The following SDK1 variants were observed in gnomAD, a reference collection of about 807,000 sequenced individuals.
The protein encoded by SDK1 is sidekick cell adhesion molecule 1, also known as protein sidekick-1.
SDK1 carries 157 observed loss-of-function variants against 245.5 expected under a neutral mutation model. The observed-to-expected ratio is 0.64, with a 90% CI of 0.56 to 0.73. The LOEUF (loss-of-function observed/expected upper bound fraction) is 0.73, where lower values mean the gene tolerates loss of function less well. SDK1 is among the 30% of genes least tolerant of loss of function. The probability of loss-of-function intolerance (pLI) is 0.00; values close to 1 mark genes in which losing one functional copy is unlikely to be tolerated. For synonymous variants in SDK1, 1,647 were observed against 1,278.5 expected (o/e 1.29, Z -6.15); for missense variants, 3,583 against 3,002.3 (o/e 1.19, Z -4.52).
intron 22 of SDK1, among the ~76,000 whole-genome samples, chr7:4,106,290 G>A (rs73046415): frequency 0.073 from 11,069 of 150,684 alleles, 443 homozygotes; most frequent in African/African-American, 0.11. Context: ...ACTGTCCCCC[G>A]TTTCTTTTTT....
chr7:3,807,868 A>C (rs1441189051), intron 4 of SDK1, among the ~76,000 whole-genome samples: 1 of 152,170 alleles, frequency 6.6e-6, no homozygotes, highest in African/African-American at 2.4e-5. Flanking sequence ...ACAGCAGCTA[A>C]GCATTTCTGA....
intron 29 of SDK1, among the ~76,000 whole-genome samples, chr7:4,146,931 ACAC>A (rs1207434851): frequency 3.9e-5 from 6 of 152,168 alleles, no homozygotes; most frequent in Non-Finnish European, 8.8e-5. Context: ...CTCCCCTCTG[ACAC>A]CACGAGGCCG....
At chr7:4,231,229 G>A (rs1394323143) in intron 40 of SDK1, among the ~76,000 whole-genome samples, 1 of 152,138 alleles carries the variant, frequency 6.6e-6, no homozygotes, top group Non-Finnish European at 1.5e-5. Context: ...ATTATTAGTG[G>A]TGATGAGTGT....
chr7:4,139,765 T>C (rs959215380), intron 28 of SDK1, among the ~76,000 whole-genome samples: 30 of 149,596 alleles, frequency 2.0e-4, no homozygotes, highest in African/African-American at 7.1e-4. Context: ...GTGTATAATC[T>C]TGAAAAGCTG....
intron 19 of SDK1, 84 bp from the exon 20 acceptor site, chr7:4,067,754 C>A: frequency 1.0e-6 from 1 of 965,536 alleles, no homozygotes. Flanking sequence ...ACTTTCCTTC[C>A]ATAGTTAGAA....
intron 4 of SDK1, among the ~76,000 whole-genome samples, chr7:3,656,406 C>T (rs1336864158): frequency 1.3e-5 from 2 of 152,172 alleles, no homozygotes; most frequent in African/African-American, 4.8e-5. Context: ...GTCATTTGTT[C>T]CTCTGACAAA....
intron 1 of SDK1, among the ~76,000 whole-genome samples, chr7:3,611,663 A>C (rs190337918): frequency 2.0e-3 from 298 of 152,274 alleles, no homozygotes; most frequent in Non-Finnish European, 3.5e-3. Context: ...CATTCCTAGC[A>C]GCAGTGTAAA....
At chr7:3,916,276 C>A (rs1779377458) in intron 5 of SDK1, among the ~76,000 whole-genome samples, 1 of 151,808 alleles carries the variant, frequency 6.6e-6, no homozygotes, top group Non-Finnish European at 1.5e-5. Flanking sequence ...AATTATGATT[C>A]TCTCTCTGCT....
rs114201285 is a variant in SDK1, at chr7:3,577,281, C to T, written c.299-41799C>T. On this transcript the variant is annotated intron_variant, in intron 1 of 44. Coordinates refer to ENST00000404826, the MANE Select transcript of SDK1 (RefSeq NM_152744.4). ...TAACAATGAGAATAGCTAATAGCAGCGCTCTGAGATTGGTTCTGTTATTTA... is the reference window on the plus strand; with the variant it reads ...TAACAATGAGAATAGCTAATAGCAGTGCTCTGAGATTGGTTCTGTTATTTA... Among the ~76,000 whole-genome samples the T allele has an allele frequency of 2.3e-3, 350 of 152,160 alleles. 4 individuals carry two copies. Among genetic ancestry groups the T allele is most frequent in the African/African-American group, 8.0e-3 (334 of 41,558 alleles).
chr7:3,318,760 A>G (rs1254491291), intron 1 of SDK1, among the ~76,000 whole-genome samples: 2 of 152,184 alleles, frequency 1.3e-5, no homozygotes, highest in Non-Finnish European at 2.9e-5. Context: ...TGCATTAGGT[A>G]CCATCATTGT....
At chr7:3,330,476 G>C (rs1012813593) in intron 1 of SDK1, among the ~76,000 whole-genome samples, 1 of 152,158 alleles carries the variant, frequency 6.6e-6, no homozygotes. Context: ...GGTCATCAGG[G>C]TGAGGCCTCC....
At chr7:3,813,700 A>G (rs995211124) in intron 4 of SDK1, among the ~76,000 whole-genome samples, 5 of 127,796 alleles carry the variant, frequency 3.9e-5, no homozygotes, top group African/African-American at 6.8e-5. Flanking sequence ...GACTTCCACA[A>G]TGGTTGAACT....
intron 20 of SDK1, among the ~76,000 whole-genome samples, chr7:4,075,682 T>G (rs1392134995): frequency 6.6e-6 from 1 of 151,106 alleles, no homozygotes; most frequent in Non-Finnish European, 1.5e-5. Context: ...TAAGACAAAG[T>G]CTTGCTCTGT....
rs1282047721 is a variant in SDK1 at position 3,672,764 on chromosome 7, T to TATAC, written c.713+30662_713+30663insCATA. 3.9e-3 allele frequency among the ~76,000 whole-genome samples: 270 copies of TATAC among 68,830 alleles called. 4 individuals carry two copies. Among genetic ancestry groups the TATAC allele is most frequent in the African/African-American group, 0.015 (238 of 15,898 alleles). The allele number at this position is 68,830 out of a possible 152,430, so 45.2% of individuals were successfully genotyped here. ...TATTTTTATAATATATAATTTTATA[T>TATAC]ATATATATATATATATATATATATA... is the stretch of plus-strand genomic sequence containing the variant. On this transcript the variant is annotated intron_variant, in intron 4 of 44. Transcript: ENST00000404826.
At chr7:4,092,260 G>A (rs903662724) in intron 22 of SDK1, among the ~76,000 whole-genome samples, 2 of 152,190 alleles carry the variant, frequency 1.3e-5, no homozygotes, top group Non-Finnish European at 2.9e-5. Flanking sequence ...AAACCTGCCA[G>A]CCCCTGAGGC....
chr7:3,303,655 A>C (rs1779341225), intron 1 of SDK1, among the ~76,000 whole-genome samples: 1 of 152,206 alleles, frequency 6.6e-6, no homozygotes, highest in Non-Finnish European at 1.5e-5. Flanking sequence ...AAGTGTACAG[A>C]TCTTTTAGTG....
chr7:4,074,636 G>C (rs1051655906), intron 20 of SDK1, among the ~76,000 whole-genome samples: 1 of 151,932 alleles, frequency 6.6e-6, no homozygotes, highest in African/African-American at 2.4e-5. Context: ...CACGGTGGGA[G>C]GATCGCTTGA....
At chr7:3,467,654 AG>A (rs1211092924) in intron 1 of SDK1, among the ~76,000 whole-genome samples, 1 of 152,102 alleles carries the variant, frequency 6.6e-6, no homozygotes, top group Non-Finnish European at 1.5e-5. Context: ...TTAAGAACAA[AG>A]TTTGTTTAAA....
At chr7:3,943,139 C>G (rs776191142) in intron 5 of SDK1, among the ~76,000 whole-genome samples, 14 of 152,284 alleles carry the variant, frequency 9.2e-5, no homozygotes, top group Non-Finnish European at 1.8e-4. Context: ...GTAGGATTTG[C>G]TCTCTCCGAT....
Sources: gnomAD v4.1 joint callset for allele counts (sites outside exome capture counted in the v4.1 genomes callset) on GRCh38, gnomAD v4.1.1 for gene constraint, MANE v1.5 for transcripts, NCBI Gene and HGNC (gene_info 2026-07-23, HGNC 2026-07-21) for gene names.